The following PRKAG2 variants were observed in gnomAD, a reference collection of about 807,000 sequenced individuals.
PRKAG2 encodes protein kinase AMP-activated non-catalytic subunit gamma 2.
Under a neutral mutation model 69.6 loss-of-function variants are expected in PRKAG2, and 26 were observed. The observed-to-expected ratio is 0.37, with a 90% CI of 0.27 to 0.52. The LOEUF (loss-of-function observed/expected upper bound fraction) is 0.52. Among genes scored for constraint, PRKAG2 ranks in the 20% least tolerant of loss-of-function variants. The pLI is 0.90. For synonymous variants in PRKAG2, 293 were observed against 285.0 expected (o/e 1.03, Z -0.28); for missense variants, 557 against 740.0 (o/e 0.75, Z 2.87).
intron 4 of PRKAG2, among the ~76,000 whole-genome samples, chr7:151,657,684 C>T (rs536380055): frequency 2.7e-4 from 41 of 152,126 alleles, no homozygotes; most frequent in South Asian, 4.1e-4. Context: ...TAACAGGCAT[C>T]AACAAGTGGG....
At chr7:151,875,034 T>C (rs1011945796) in intron 1 of PRKAG2, among the ~76,000 whole-genome samples, 4 of 152,266 alleles carry the variant, frequency 2.6e-5, no homozygotes, top group Non-Finnish European at 4.4e-5. Flanking sequence ...GATCACTGTT[T>C]AAGAGGTTTG....
chr7:151,853,957 T>C (rs1384288036), intron 1 of PRKAG2, among the ~76,000 whole-genome samples: 2 of 151,380 alleles, frequency 1.3e-5, no homozygotes, highest in Non-Finnish European at 2.9e-5. Flanking sequence ...CAAAAACAAA[T>C]AGAATCCAGG....
chr7:151,601,189 G>A (rs1324914253), intron 5 of PRKAG2, among the ~76,000 whole-genome samples: 1 of 152,146 alleles, frequency 6.6e-6, no homozygotes, highest in Non-Finnish European at 1.5e-5. Context: ...AGCCCAGGGT[G>A]AGCACTGGAT....
At chr7:151,785,259 C>G (rs1019413645) in intron 2 of PRKAG2, among the ~76,000 whole-genome samples, 1 of 152,260 alleles carries the variant, frequency 6.6e-6, no homozygotes, top group Non-Finnish European at 1.5e-5. Context: ...CTCCCACACT[C>G]TCAGATCTTC....
At chr7:151,589,127 T>C (rs1812412744) in intron 6 of PRKAG2, among the ~76,000 whole-genome samples, 1 of 152,214 alleles carries the variant, frequency 6.6e-6, no homozygotes, top group African/African-American at 2.4e-5. Context: ...GCTCCTCCCG[T>C]CAGCGGCTAG....
Position 151,573,053 on chromosome 7 carries a change from C to T in PRKAG2, c.1006-344G>A, listed in dbSNP as rs191677358. 4.1e-3 allele frequency among the ~76,000 whole-genome samples: 617 copies of T among 151,804 alleles called. 5 individuals are homozygous for T. The highest frequency in any genetic ancestry group is 0.014 in the African/African-American group (570 of 41,316). On this transcript the variant is annotated intron_variant, in intron 8 of 15. Coordinates refer to ENST00000287878, the MANE Select transcript of PRKAG2 (RefSeq NM_016203.4). Reference sequence around the variant, plus strand: ...GCTTGAACCCAGGAAGCAGAGGTTGCAGTGAGCCGAGATGGTACCACTGCA... The same window carrying T: ...GCTTGAACCCAGGAAGCAGAGGTTGTAGTGAGCCGAGATGGTACCACTGCA...
chr7:151,736,635 G>A (rs544531322), intron 3 of PRKAG2, among the ~76,000 whole-genome samples: 13 of 152,308 alleles, frequency 8.5e-5, no homozygotes, highest in East Asian at 7.7e-4. Context: ...GGCTCCGGCT[G>A]CTGCCGGGTG....
At chr7:151,783,912 CAAAAAAAAAAAA>C (rs536105914) in intron 2 of PRKAG2, among the ~76,000 whole-genome samples, 11 of 28,946 alleles carry the variant, frequency 3.8e-4, no homozygotes, top group Non-Finnish European at 5.7e-4. Context: ...GACCCTGTCT[CAAAAAAAAAAAA>C]AAAAAAAAAA....
intron 3 of PRKAG2, among the ~76,000 whole-genome samples, chr7:151,689,185 G>A (rs975061335): frequency 6.6e-6 from 1 of 152,212 alleles, no homozygotes; most frequent in Non-Finnish European, 1.5e-5. Context: ...CTTTGAGTCT[G>A]CTCTGAACCC....
At chr7:151,579,842 C>T (rs1196040609) in intron 6 of PRKAG2, among the ~76,000 whole-genome samples, 2 of 152,098 alleles carry the variant, frequency 1.3e-5, no homozygotes, top group African/African-American at 4.8e-5. Context: ...AAAAGGGTAA[C>T]AAGCAGGCTG....
chr7:151,651,659 T>C (rs113044555), intron 4 of PRKAG2, among the ~76,000 whole-genome samples: 9 of 150,438 alleles, frequency 6.0e-5, no homozygotes, highest in Admixed American at 5.2e-4. Flanking sequence ...TCTAACATAA[T>C]AGACTCTAGG....
At chr7:151,712,313 G>A (rs1795458732) in intron 3 of PRKAG2, among the ~76,000 whole-genome samples, 1 of 152,208 alleles carries the variant, frequency 6.6e-6, no homozygotes, top group South Asian at 2.1e-4. Context: ...GGCACCCAAA[G>A]CCTGGACATC....
intron 1 of PRKAG2, among the ~76,000 whole-genome samples, chr7:151,843,125 T>TGAATATATG (rs140659282): frequency 0.023 from 3,444 of 152,140 alleles, 130 homozygotes; most frequent in African/African-American, 0.078. Context: ...TTTCTGGGCA[T>TGAATATATG]GAATATATGT....
intron 1 of PRKAG2, among the ~76,000 whole-genome samples, chr7:151,812,871 A>G (rs2078491297): frequency 6.6e-6 from 1 of 152,158 alleles, no homozygotes; most frequent in African/African-American, 2.4e-5. Context: ...ACTGAATTTA[A>G]CCACTGAACC....
intron 1 of PRKAG2, among the ~76,000 whole-genome samples, chr7:151,870,547 C>T (rs2080195657): frequency 6.6e-6 from 1 of 152,238 alleles, no homozygotes; most frequent in Admixed American, 6.5e-5. Flanking sequence ...CACAGCATCC[C>T]CCTTCCCTTT....
chr7:151,800,301 T>C (rs1474888076), intron 1 of PRKAG2, among the ~76,000 whole-genome samples: 1 of 146,004 alleles, frequency 6.8e-6, no homozygotes, highest in African/African-American at 2.6e-5. Context: ...GAGCTTGCAG[T>C]GAGCTGAGAT....
intron 4 of PRKAG2, among the ~76,000 whole-genome samples, chr7:151,648,499 A>G (rs962179593): frequency 6.6e-6 from 1 of 152,114 alleles, no homozygotes; most frequent in African/African-American, 2.4e-5. Context: ...CATTGCTAGG[A>G]GGGGCCGGTG....
chr7:151,745,042 G>A (rs920165797), intron 3 of PRKAG2, among the ~76,000 whole-genome samples: 2 of 152,188 alleles, frequency 1.3e-5, no homozygotes, highest in Non-Finnish European at 2.9e-5. Flanking sequence ...TGTGGGGGTC[G>A]ACACTGGCTC....
At chr7:151,602,056 T>C (rs921133458) in intron 5 of PRKAG2, among the ~76,000 whole-genome samples, 1 of 152,268 alleles carries the variant, frequency 6.6e-6, no homozygotes, top group African/African-American at 2.4e-5. Context: ...CAAGCTCTCA[T>C]GAGAGCGGCA....
Sources: gnomAD v4.1 joint callset for allele counts (sites outside exome capture counted in the v4.1 genomes callset) on GRCh38, gnomAD v4.1.1 for gene constraint, MANE v1.5 for transcripts, NCBI Gene and HGNC (gene_info 2026-07-23, HGNC 2026-07-21) for gene names.